Variants in NFAT5 observed in about 807,000 individuals in gnomAD.
The protein encoded by NFAT5 is nuclear factor of activated T-cells 5.
Under a neutral mutation model 166.5 loss-of-function variants are expected in NFAT5, and 31 were observed. The ratio of observed to expected loss-of-function variants is 0.19; its 90% CI spans 0.14 to 0.25. The LOEUF is 0.25. Ranked by LOEUF, NFAT5 falls within the 10% of genes least tolerant of loss-of-function variation. NFAT5 has a pLI of 1.00. For missense variants in NFAT5, 1,449 were observed against 1,821.8 expected, an observed-to-expected ratio of 0.80 and a Z score of 3.72; for synonymous variants, 612 against 639.7, an observed-to-expected ratio of 0.96 and a Z score of 0.65.
intron 2 of NFAT5, among the ~76,000 whole-genome samples, chr16:69,620,855 T>G (rs976431560): frequency 6.6e-6 from 1 of 152,226 alleles, no homozygotes; most frequent in African/African-American, 2.4e-5. Flanking sequence ...GACATAAGAT[T>G]TAATCCCTTT....
chr16:69,642,108 CA>C (rs1183756247), intron 3 of NFAT5, among the ~76,000 whole-genome samples: 1 of 151,754 alleles, frequency 6.6e-6, no homozygotes, highest in African/African-American at 2.4e-5. Flanking sequence ...ACAAAGAAAA[CA>C]AAAAAGAAAG....
chr16:69,638,255 CA>C (rs966161450), intron 3 of NFAT5, among the ~76,000 whole-genome samples: 1 of 151,702 alleles, frequency 6.6e-6, no homozygotes, highest in Non-Finnish European at 1.5e-5. Context: ...AAACAAAAAA[CA>C]AAAAAACTTC....
intron 3 of NFAT5, among the ~76,000 whole-genome samples, chr16:69,637,176 C>T (rs1265177538): frequency 3.3e-5 from 5 of 152,176 alleles, no homozygotes; most frequent in Non-Finnish European, 7.4e-5. Context: ...ACCTTTACTC[C>T]AGTTTCCAAC....
intron 9 of NFAT5, among the ~76,000 whole-genome samples, chr16:69,676,325 T>C (rs1310729876): frequency 6.6e-6 from 1 of 152,196 alleles, no homozygotes; most frequent in East Asian, 1.9e-4. Flanking sequence ...CTTTCTCTTA[T>C]AAGGATGCTT....
intron 9 of NFAT5, among the ~76,000 whole-genome samples, chr16:69,675,144 G>A (rs1438987985): frequency 6.6e-6 from 1 of 152,172 alleles, no homozygotes; most frequent in Non-Finnish European, 1.5e-5. Flanking sequence ...TTTTTAAAAG[G>A]TTTCAAAATT....
chr16:69,641,473 A>G (rs1215059869), intron 3 of NFAT5, among the ~76,000 whole-genome samples: 1 of 152,076 alleles, frequency 6.6e-6, no homozygotes, highest in Admixed American at 6.5e-5. Context: ...AAATTATAAA[A>G]TATGTACATA....
In NFAT5 at chr16:69,667,636, T is replaced by C. The variant is rs539058468; in HGVS notation, c.1370-2341T>C. ...ACAAATAAATTTAAAAAATGAGATA[T>C]GGGAAAAAGTTTTATCAGTAATCAG... On this transcript the variant is annotated intron_variant, in intron 7 of 14. Transcript: ENST00000349945. Among the ~76,000 whole-genome samples the C allele has an allele frequency of 1.7e-4, 26 of 152,188 alleles. 1 individual carries two copies. In the South Asian group the frequency reaches 5.0e-3, roughly 29 times the overall value.
intron 10 of NFAT5, 51 bp downstream of exon 10, chr16:69,677,386 T>G: frequency 6.8e-7 from 1 of 1,469,306 alleles, no homozygotes; most frequent in Non-Finnish European, 9.1e-7. Flanking sequence ...AATTTCCAGT[T>G]TTTTGAAAGA....
chr16:69,629,074 C>CAAAAAGA (rs376251170), intron 3 of NFAT5, among the ~76,000 whole-genome samples: 6 of 151,724 alleles, frequency 4.0e-5, no homozygotes, highest in Non-Finnish European at 8.8e-5. Flanking sequence ...AACTCCGTCT[C>CAAAAAGA]AAAAAGAAAA....
intron 2 of NFAT5, among the ~76,000 whole-genome samples, chr16:69,603,524 G>A (rs935953770): frequency 1.3e-5 from 2 of 152,008 alleles, no homozygotes; most frequent in African/African-American, 4.8e-5. Flanking sequence ...TTGGGAGGTG[G>A]GCAGATCACT....
chr16:69,592,335 C>A (rs1260215134), intron 2 of NFAT5, among the ~76,000 whole-genome samples: 2 of 152,114 alleles, frequency 1.3e-5, no homozygotes, highest in African/African-American at 4.8e-5. Context: ...CCACCTTGGC[C>A]TCCCAGAGTG....
chr16:69,613,184 T>C (rs762754168), intron 2 of NFAT5, among the ~76,000 whole-genome samples: 3 of 152,196 alleles, frequency 2.0e-5, no homozygotes, highest in Non-Finnish European at 2.9e-5. Context: ...ATTTAGTTCA[T>C]CCATTTAAAC....
chr16:69,691,495 A>G (rs189758987), intron 12 of NFAT5, among the ~76,000 whole-genome samples: 1 of 152,156 alleles, frequency 6.6e-6, no homozygotes, highest in East Asian at 1.9e-4. Context: ...TCACCTAAGC[A>G]TATCAATAGC....
intron 3 of NFAT5, among the ~76,000 whole-genome samples, chr16:69,627,803 T>G (rs1230004295): frequency 6.6e-6 from 1 of 152,212 alleles, no homozygotes; most frequent in Non-Finnish European, 1.5e-5. Flanking sequence ...TAAGATGACC[T>G]GGTTTGCTTT....
chr16:69,646,032 G>A (rs2035425872), intron 3 of NFAT5, among the ~76,000 whole-genome samples: 1 of 152,074 alleles, frequency 6.6e-6, no homozygotes, highest in African/African-American at 2.4e-5. Context: ...AGATTTTTAT[G>A]CTTAACTATT....
intron 4 of NFAT5, chr16:69,649,257 T>C (rs1339591843): frequency 1.0e-6 from 1 of 954,768 alleles, no homozygotes; most frequent in East Asian, 1.2e-4. Flanking sequence ...ATTTGTGCTT[T>C]AGTGGAGAAA....
chr16:69,661,588 CTTTT>C (rs1355962661), intron 7 of NFAT5, among the ~76,000 whole-genome samples: 2 of 122,740 alleles, frequency 1.6e-5, no homozygotes, highest in Admixed American at 9.0e-5. Context: ...CAGATGAGTG[CTTTT>C]TGTTTTTAAT....
Position 69,566,224 on chromosome 16 carries a change from G to C in NFAT5, c.-78G>C. On this transcript the variant is annotated 5_prime_UTR_variant, in exon 1 of 15. Coordinates refer to ENST00000349945, the MANE Select transcript of NFAT5 (RefSeq NM_138713.4). The surrounding 1 kb of genome is among the most constrained non-coding windows in gnomAD (Gnocchi z 5.7). ...TCGCCGCCCCCGGTTCGGTGCCCGC[G>C]GTCCCGGAGAGGAGGTGCCGCCGCC... 2.2e-6 allele frequency: 3 copies of C among 1,373,304 alleles called. No individual in the cohort carries two copies. In the Admixed American group the frequency reaches 6.1e-5, roughly 28 times the overall value. The allele number at this position is 1,373,304 out of a possible 1,614,324, so 85.1% of individuals were successfully genotyped here.
chr16:69,689,009 C>T (rs2037442720), intron 11 of NFAT5, among the ~76,000 whole-genome samples: 2 of 152,178 alleles, frequency 1.3e-5, no homozygotes, highest in Admixed American at 6.5e-5. Flanking sequence ...TGTGGTGGCT[C>T]ACGCCTATAA....
Sources: gnomAD v4.1 joint callset for allele counts (sites outside exome capture counted in the v4.1 genomes callset) on GRCh38, gnomAD v4.1.1 for gene constraint, Gnocchi (gnomAD v3.1) non-coding constraint, MANE v1.5 for transcripts, NCBI Gene and HGNC (gene_info 2026-07-23, HGNC 2026-07-21) for gene names.